Variants in SEMA5A observed in about 807,000 individuals in gnomAD.
SEMA5A encodes semaphorin 5A.
Under a neutral mutation model 135.5 loss-of-function variants are expected in SEMA5A, and 55 were observed. That is an observed-to-expected ratio of 0.41 (90% CI 0.33 to 0.51). The LOEUF (loss-of-function observed/expected upper bound fraction) is 0.51, where lower values mean the gene tolerates loss of function less well. SEMA5A is among the 20% of genes least tolerant of loss of function. The pLI, the probability that SEMA5A is intolerant of heterozygous loss-of-function variation, is 0.37. For missense variants in SEMA5A, 1,290 were observed against 1,419.9 expected (o/e 0.91, Z 1.47); for synonymous variants, 580 against 546.5 (o/e 1.06, Z -0.85).
At chr5:9,498,933 C>G (rs1245304191) in intron 1 of SEMA5A, among the ~76,000 whole-genome samples, 4 of 152,198 alleles carry the variant, frequency 2.6e-5, no homozygotes, top group African/African-American at 9.7e-5. Flanking sequence ...AGAATTCACT[C>G]TATCAAACAG....
At chr5:9,311,552 A>G (rs1330685074) in intron 5 of SEMA5A, among the ~76,000 whole-genome samples, 1 of 136,580 alleles carries the variant, frequency 7.3e-6, no homozygotes, top group Admixed American at 7.8e-5. Context: ...AGGAGAACAC[A>G]TGGACACAGG....
At position 9,065,338 on chromosome 5, in the gene SEMA5A, A is replaced by G. The variant is rs201101614; in HGVS notation, c.2299+1083T>C. ...CGAGAGCAGCTGGTGGCCGTCACAC[A>G]GAGCCACACTGTCTCAGAGCCTTCC... is the stretch of plus-strand genomic sequence containing the variant. On this transcript the variant is annotated intron_variant, in intron 17 of 22. Transcript: ENST00000382496. Among the ~76,000 whole-genome samples the G allele has an allele frequency of 4.6e-5, 7 of 152,338 alleles. No individual in the cohort carries two copies. In the East Asian group the frequency reaches 1.4e-3, roughly 30 times the overall value.
chr5:9,475,386 A>C (rs1203197079), intron 1 of SEMA5A, among the ~76,000 whole-genome samples: 2 of 152,106 alleles, frequency 1.3e-5, no homozygotes, highest in Non-Finnish European at 2.9e-5. Context: ...CCTTGGTTAG[A>C]TTTTCCAAAG....
chr5:9,185,463 G>A (rs2928248), intron 11 of SEMA5A, among the ~76,000 whole-genome samples: 44,864 of 152,142 alleles, frequency 0.29, 8,307 homozygotes, highest in Non-Finnish European at 0.42. Flanking sequence ...TTCAAAATGT[G>A]TGTGTGTATG....
chr5:9,237,719 CACT>C, intron 6 of SEMA5A, 106 bp downstream of exon 6: 4 of 932,278 alleles, frequency 4.3e-6, no homozygotes, highest in Non-Finnish European at 6.4e-6. Context: ...TTGCTTTTTT[CACT>C]TTACATGGCA....
chr5:9,046,757 G>A (rs559970119), intron 21 of SEMA5A, among the ~76,000 whole-genome samples: 1 of 152,312 alleles, frequency 6.6e-6, no homozygotes, highest in Admixed American at 6.5e-5. Flanking sequence ...AGGAACCCAG[G>A]ACTTTGGAGC....
At chr5:9,301,014 C>A (rs558132017) in intron 5 of SEMA5A, among the ~76,000 whole-genome samples, 12 of 152,242 alleles carry the variant, frequency 7.9e-5, no homozygotes, top group African/African-American at 2.6e-4. Flanking sequence ...GTTATTGCAT[C>A]CCTAGAAAGC....
rs549167137 is a variant in SEMA5A at position 9,122,300 on chromosome 5, A to C, written c.1781+356T>G. On this transcript the variant is annotated intron_variant, in intron 14 of 22. Coordinates refer to ENST00000382496, the MANE Select transcript of SEMA5A (RefSeq NM_003966.3). Reference sequence around the variant, plus strand: ...GTCGATCAAGGACTTGGCTTCTTCTACCTCCTAACCTAGTGTTATTATATC... The same window carrying C: ...GTCGATCAAGGACTTGGCTTCTTCTCCCTCCTAACCTAGTGTTATTATATC... 2.0e-5 allele frequency among the ~76,000 whole-genome samples: 3 copies of C among 152,216 alleles called. No homozygotes were observed. The East Asian group carries it at 5.8e-4, about 29-fold the overall frequency.
chr5:9,245,076 A>G (rs1351123281), intron 5 of SEMA5A, among the ~76,000 whole-genome samples: 2 of 152,180 alleles, frequency 1.3e-5, no homozygotes, highest in East Asian at 3.8e-4. Context: ...TTGATACCGC[A>G]GTCAACTGAA....
In SEMA5A at chr5:9,303,242, C is replaced by A. The variant is rs868475229; in HGVS notation, c.270+15130G>T. On this transcript the variant is annotated intron_variant, in intron 5 of 22. Coordinates refer to ENST00000382496, the MANE Select transcript of SEMA5A (RefSeq NM_003966.3). ...TGCCATTCTCCTGCCTCAGCCTCCCCAGTAGCTGGGAATACAGGCGCCCAC... is the reference window on the plus strand; with the variant it reads ...TGCCATTCTCCTGCCTCAGCCTCCCAAGTAGCTGGGAATACAGGCGCCCAC... 4.7e-4 allele frequency among the ~76,000 whole-genome samples: 71 copies of A among 151,860 alleles called. No individual in the cohort carries two copies. The Middle Eastern group carries it at 0.014, about 29-fold the overall frequency.
intron 3 of SEMA5A, among the ~76,000 whole-genome samples, chr5:9,365,358 C>T (rs1189007828): frequency 6.6e-6 from 1 of 151,962 alleles, no homozygotes; most frequent in Admixed American, 6.6e-5. Flanking sequence ...ATGCAAAAAT[C>T]CAGGAGGAGC....
chr5:9,319,082 T>C (rs920032341), intron 4 of SEMA5A, among the ~76,000 whole-genome samples: 1 of 152,132 alleles, frequency 6.6e-6, no homozygotes, highest in Non-Finnish European at 1.5e-5. Context: ...CTTATGCCTA[T>C]AGTCCCAGCT....
chr5:9,182,479 G>A (rs1744575440), intron 11 of SEMA5A, among the ~76,000 whole-genome samples: 1 of 152,078 alleles, frequency 6.6e-6, no homozygotes, highest in Non-Finnish European at 1.5e-5. Flanking sequence ...CCTCACCCAT[G>A]AAATTTTACT....
intron 2 of SEMA5A, among the ~76,000 whole-genome samples, chr5:9,396,246 G>GTGCACA (rs1554030586): frequency 6.7e-6 from 1 of 148,848 alleles, no homozygotes; most frequent in Non-Finnish European, 1.5e-5. Flanking sequence ...GCGCGTGCGT[G>GTGCACA]CACACACACA....
chr5:9,123,649 T>TA (rs993707773), intron 13 of SEMA5A, among the ~76,000 whole-genome samples: 1 of 152,142 alleles, frequency 6.6e-6, no homozygotes, highest in African/African-American at 2.4e-5. Flanking sequence ...TATGTGCCTT[T>TA]AAAAAATGAA....
At chr5:9,325,788 C>A (rs944315218) in intron 4 of SEMA5A, among the ~76,000 whole-genome samples, 1 of 150,142 alleles carries the variant, frequency 6.7e-6, no homozygotes, top group Non-Finnish European at 1.5e-5. Context: ...TAGAATAACT[C>A]AATTGGCCTC....
intron 1 of SEMA5A, among the ~76,000 whole-genome samples, chr5:9,544,752 C>T (rs911701803): frequency 1.3e-5 from 2 of 152,218 alleles, no homozygotes; most frequent in African/African-American, 4.8e-5. Context: ...GAGGTGAACG[C>T]GCTTCCCGCC....
At chr5:9,092,275 G>C (rs1248318714) in intron 16 of SEMA5A, among the ~76,000 whole-genome samples, 1 of 152,216 alleles carries the variant, frequency 6.6e-6, no homozygotes, top group African/African-American at 2.4e-5. Flanking sequence ...TGCACAGGGT[G>C]ATGGCCCCAA....
At chr5:9,168,509 A>G (rs1301795430) in intron 11 of SEMA5A, among the ~76,000 whole-genome samples, 1 of 152,206 alleles carries the variant, frequency 6.6e-6, no homozygotes, top group African/African-American at 2.4e-5. Context: ...ATGTGTCTTC[A>G]TCATTGTTAC....
Sources: gnomAD v4.1 joint callset for allele counts (sites outside exome capture counted in the v4.1 genomes callset) on GRCh38, gnomAD v4.1.1 for gene constraint, MANE v1.5 for transcripts, NCBI Gene and HGNC (gene_info 2026-07-23, HGNC 2026-07-21) for gene names.